The following NF1 variants were observed in gnomAD, a reference collection of about 807,000 sequenced individuals.
NF1 encodes the protein neurofibromin 1.
A neutral mutation model predicts 325.7 loss-of-function variants in NF1; 122 were observed. The ratio of observed to expected loss-of-function variants is 0.37; its 90% CI spans 0.32 to 0.44. The LOEUF (loss-of-function observed/expected upper bound fraction) is 0.44, where lower values mean the gene tolerates loss of function less well. Ranked by LOEUF, NF1 falls within the 20% of genes least tolerant of loss-of-function variation. The pLI, the probability that NF1 is intolerant of heterozygous loss-of-function variation, is 1.00. For missense variants in NF1, 2,140 were observed against 3,415.4 expected, an observed-to-expected ratio of 0.63 and a Z score of 9.31; for synonymous variants, 1,091 against 1,186.0, an observed-to-expected ratio of 0.92 and a Z score of 1.65.
At position 31,147,978 on chromosome 17, in the gene NF1, A is replaced by C. The variant is rs117363228; in HGVS notation, c.61-8005A>C. Among the ~76,000 whole-genome samples the C allele has an allele frequency of 6.1e-4, 93 of 152,278 alleles. No homozygotes were observed. In the East Asian group the frequency reaches 0.016, roughly 26 times the overall value. On this transcript the variant is annotated intron_variant, in intron 1 of 57. Coordinates refer to ENST00000358273, the MANE Select transcript of NF1 (RefSeq NM_001042492.3). ...GCCTGGGAAAAAAGCCTTATTTCTC[A>C]ATCTGTTTTCCTGACCAGAATCTGC...
intron 56 of NF1, chr17:31,359,916 CA>C (rs2151587016): frequency 1.2e-5 from 2 of 162,558 alleles, no homozygotes; most frequent in East Asian, 3.6e-4. Flanking sequence ...GTTTTAGATA[CA>C]GGGGGTGCTA....
chr17:31,148,509 A>C (rs1346922351), intron 1 of NF1, among the ~76,000 whole-genome samples: 1 of 150,870 alleles, frequency 6.6e-6, no homozygotes, highest in Admixed American at 6.7e-5. Flanking sequence ...TTACTATGGG[A>C]TTGGTCATTA....
At chr17:31,098,515 C>T (rs1911980983) in intron 1 of NF1, among the ~76,000 whole-genome samples, 1 of 152,110 alleles carries the variant, frequency 6.6e-6, no homozygotes, top group Non-Finnish European at 1.5e-5. Context: ...CAGGCGCCTG[C>T]CACCACTCCT....
intron 36 of NF1, among the ~76,000 whole-genome samples, chr17:31,282,612 G>A (rs1209522223): frequency 6.6e-6 from 1 of 152,022 alleles, no homozygotes; most frequent in Non-Finnish European, 1.5e-5. Context: ...CATACAATAT[G>A]TGCTCTTTTG....
rs1288605091 is a variant in NF1, at chr17:31,326,609, T to G, written c.5268+357T>G. 2.0e-5 allele frequency among the ~76,000 whole-genome samples: 3 copies of G among 152,136 alleles called. No individual in the cohort carries two copies. The East Asian group carries it at 5.8e-4, about 29-fold the overall frequency. Reference sequence around the variant, plus strand: ...TTGCAGTGAGCCGAGATTGCGCCACTGCACTCCAGCCTGGGCAACAGAGGG... The same window carrying G: ...TTGCAGTGAGCCGAGATTGCGCCACGGCACTCCAGCCTGGGCAACAGAGGG... On this transcript the variant is annotated intron_variant, in intron 37 of 57. Coordinates refer to ENST00000358273, the MANE Select transcript of NF1 (RefSeq NM_001042492.3).
intron 4 of NF1, among the ~76,000 whole-genome samples, chr17:31,164,633 C>T (rs964276586): frequency 1.3e-5 from 2 of 152,086 alleles, no homozygotes; most frequent in African/African-American, 2.4e-5. Flanking sequence ...TGTTGTTTTC[C>T]AGCAGGTGTG....
intron 5 of NF1, among the ~76,000 whole-genome samples, chr17:31,179,961 A>G (rs182384689): frequency 1.3e-5 from 2 of 152,226 alleles, no homozygotes; most frequent in East Asian, 3.8e-4. Context: ...ATCAGAGAAT[A>G]CTATAAACAC....
At chr17:31,147,167 T>C (rs1431383384) in intron 1 of NF1, among the ~76,000 whole-genome samples, 1 of 152,228 alleles carries the variant, frequency 6.6e-6, no homozygotes, top group Non-Finnish European at 1.5e-5. Flanking sequence ...CACACCAGTG[T>C]AACCAGTATC....
intron 36 of NF1, among the ~76,000 whole-genome samples, chr17:31,292,599 C>A (rs546439598): frequency 6.6e-6 from 1 of 152,212 alleles, no homozygotes; most frequent in South Asian, 2.1e-4. Flanking sequence ...ATAAGTGTGC[C>A]CATGCCATTC....
At position 31,376,308 on chromosome 17, in the gene NF1, G is replaced by T. The variant is rs961379640; in HGVS notation, c.*2153G>T. On this transcript the variant is annotated 3_prime_UTR_variant, in exon 58 of 58. Transcript: ENST00000358273. ...ATTTTGCTCTTCCCATCAAAATAAA[G>T]AAACTTCCAGAGGTTTACTGTTAAA... The T allele has an allele frequency of 1.9e-4, 45 of 232,796 alleles. 1 individual carries two copies. The highest frequency in any genetic ancestry group is 9.3e-4 in the African/African-American group (42 of 45,320). 14.4% of individuals were successfully genotyped at this position (232,796 alleles called of 1,614,324 possible).
At chr17:31,324,106 C>T (rs900118019) in intron 36 of NF1, among the ~76,000 whole-genome samples, 9 of 152,036 alleles carry the variant, frequency 5.9e-5, no homozygotes, top group Non-Finnish European at 1.0e-4. Context: ...CTCGCTCTAT[C>T]GCCCAGGCTG....
intron 1 of NF1, among the ~76,000 whole-genome samples, chr17:31,119,444 C>T (rs1405036197): frequency 8.0e-5 from 12 of 149,584 alleles, no homozygotes; most frequent in Non-Finnish European, 1.2e-4. Flanking sequence ...TTATATCCTT[C>T]GTCCACTTTT....
chr17:31,329,238 A>G (rs1171221456), intron 38 of NF1, among the ~76,000 whole-genome samples: 1 of 152,246 alleles, frequency 6.6e-6, no homozygotes, highest in Non-Finnish European at 1.5e-5. Context: ...ACATTTTAGG[A>G]AAATGGAGCT....
At chr17:31,245,887 G>C (rs1023371921) in intron 29 of NF1, among the ~76,000 whole-genome samples, 2 of 152,118 alleles carry the variant, frequency 1.3e-5, no homozygotes, top group Non-Finnish European at 2.9e-5. Flanking sequence ...GAGTGGGGCT[G>C]AAAGTCTCAA....
At chr17:31,323,823 TTG>T (rs1217232320) in intron 36 of NF1, among the ~76,000 whole-genome samples, 1 of 152,152 alleles carries the variant, frequency 6.6e-6, no homozygotes, top group African/African-American at 2.4e-5. Context: ...ACTGCCCAGT[TTG>T]TGTTAATCTC....
At position 31,377,260 on chromosome 17, in the gene NF1, T is replaced by C. The variant is rs1157783097; in HGVS notation, c.*3105T>C. On this transcript the variant is annotated 3_prime_UTR_variant, in exon 58 of 58. Transcript: ENST00000358273. ...GTATATTTACTATACTGTAAATATATGTGATGATATATTGTATTATTTTGC... is the reference window on the plus strand; with the variant it reads ...GTATATTTACTATACTGTAAATATACGTGATGATATATTGTATTATTTTGC... The C allele has an allele frequency of 8.6e-6, 2 of 233,394 alleles. No homozygotes were observed. Among genetic ancestry groups the C allele is most frequent in the African/African-American group, 4.4e-5 (2 of 45,330 alleles). 14.5% of individuals were successfully genotyped at this position (233,394 alleles called of 1,614,324 possible). A position where few individuals can be genotyped will look rare whatever the true frequency, so the allele number is the denominator to read the frequency against.
intron 12 of NF1, among the ~76,000 whole-genome samples, chr17:31,210,281 G>A (rs571559219): frequency 6.6e-5 from 10 of 152,210 alleles, no homozygotes; most frequent in African/African-American, 1.9e-4. Flanking sequence ...TACTTGATGT[G>A]GTTTCAAAAT....
intron 1 of NF1, among the ~76,000 whole-genome samples, chr17:31,145,005 T>C (rs1916490466): frequency 1.3e-5 from 2 of 152,242 alleles, no homozygotes; most frequent in Non-Finnish European, 2.9e-5. Flanking sequence ...AGGCTTTTCA[T>C]GATCTGACTC....
chr17:31,188,556 A>G (rs922976814), intron 8 of NF1, among the ~76,000 whole-genome samples: 1 of 152,184 alleles, frequency 6.6e-6, no homozygotes, highest in African/African-American at 2.4e-5. Context: ...TATGGGTTCA[A>G]GTTGACAAGG....
Sources: allele counts gnomAD v4.1 joint callset (sites outside exome capture counted in the v4.1 genomes callset), GRCh38; gene constraint gnomAD v4.1.1; transcripts MANE v1.5; gene names NCBI Gene and HGNC (gene_info 2026-07-23, HGNC 2026-07-21).